ABCG1: variants seen among roughly 807,000 people sequenced by gnomAD.
ABCG1 encodes the protein ATP-binding cassette sub-family G member 1.
Under a neutral mutation model 69.2 loss-of-function variants are expected in ABCG1, and 29 were observed. That is an observed-to-expected ratio of 0.42 (90% CI 0.31 to 0.57). The LOEUF is 0.57. Ranked by LOEUF, ABCG1 falls within the 20% of genes least tolerant of loss-of-function variation. ABCG1 has a pLI of 0.15. For missense variants in ABCG1, 718 were observed against 898.1 expected, an observed-to-expected ratio of 0.80 and a Z score of 2.56; for synonymous variants, 370 against 374.8, an observed-to-expected ratio of 0.99 and a Z score of 0.15.
At chr21:42,269,576 C>G (rs1457554201) in intron 2 of ABCG1, among the ~76,000 whole-genome samples, 1 of 152,188 alleles carries the variant, frequency 6.6e-6, no homozygotes, top group Non-Finnish European at 1.5e-5. Flanking sequence ...GATGACTCTC[C>G]TCACCCTCCC....
intron 2 of ABCG1, among the ~76,000 whole-genome samples, chr21:42,238,206 C>T (rs919581540): frequency 9.9e-5 from 15 of 152,176 alleles, no homozygotes; most frequent in Admixed American, 2.0e-4. Flanking sequence ...AGCAACCCTG[C>T]GGTCAGGTTT....
At chr21:42,270,518 ATTAT>A (rs1268026748) in intron 2 of ABCG1, among the ~76,000 whole-genome samples, 1 of 152,044 alleles carries the variant, frequency 6.6e-6, no homozygotes, top group Non-Finnish European at 1.5e-5. Flanking sequence ...TAATATATTG[ATTAT>A]TTAATCATAT....
chr21:42,241,605 A>C (rs1368130117), intron 2 of ABCG1, among the ~76,000 whole-genome samples: 2 of 52,734 alleles, frequency 3.8e-5, no homozygotes, highest in Admixed American at 1.9e-4. Context: ...ACCCTGTCTC[A>C]AAAAAAAAAA....
chr21:42,277,597 C>A (rs1164518460), intron 5 of ABCG1, among the ~76,000 whole-genome samples: 2 of 152,170 alleles, frequency 1.3e-5, no homozygotes, highest in Non-Finnish European at 2.9e-5. Context: ...CCACGGGAAA[C>A]CCACTGTCCT....
At chr21:42,248,756 A>G (rs956543282) in intron 2 of ABCG1, among the ~76,000 whole-genome samples, 22 of 151,998 alleles carry the variant, frequency 1.4e-4, no homozygotes, top group African/African-American at 5.3e-4. Flanking sequence ...TTAAAAAAAA[A>G]AACACCTGGG....
chr21:42,283,218 G>A (rs1024707297), intron 6 of ABCG1, among the ~76,000 whole-genome samples: 31 of 152,218 alleles, frequency 2.0e-4, no homozygotes, highest in Admixed American at 1.3e-4. Flanking sequence ...TCTGAGGGGG[G>A]GATGGCGGGG....
chr21:42,233,757 C>T (rs2067934928), intron 2 of ABCG1, among the ~76,000 whole-genome samples: 2 of 152,252 alleles, frequency 1.3e-5, no homozygotes, highest in Non-Finnish European at 2.9e-5. Flanking sequence ...GCGGCATCCG[C>T]AGGGTGCAGG....
chr21:42,255,644 C>A (rs1422693036), intron 2 of ABCG1, among the ~76,000 whole-genome samples: 1 of 152,204 alleles, frequency 6.6e-6, no homozygotes, highest in Admixed American at 6.5e-5. Context: ...TCTTCTCTTC[C>A]CCACTTAGGG....
intron 2 of ABCG1, chr21:42,260,056 C>A: frequency 6.4e-7 from 1 of 1,550,564 alleles, no homozygotes; most frequent in Non-Finnish European, 8.7e-7. Context: ...GGGGTGGTCG[C>A]TATCAGTGGC....
At chr21:42,293,250 CT>C (rs796100452) in intron 13 of ABCG1, among the ~76,000 whole-genome samples, 4 of 121,858 alleles carry the variant, frequency 3.3e-5, no homozygotes, top group Middle Eastern at 4.6e-3. Flanking sequence ...ACACACCACA[CT>C]ACACACCATA....
chr21:42,284,293 C>G (rs974610295), intron 6 of ABCG1, among the ~76,000 whole-genome samples: 2 of 151,162 alleles, frequency 1.3e-5, no homozygotes, highest in Admixed American at 6.6e-5. Flanking sequence ...GGACCCCCCC[C>G]CAGTCCTGGA....
chr21:42,277,211 G>A (rs2123754111), intron 5 of ABCG1, among the ~76,000 whole-genome samples: 1 of 152,274 alleles, frequency 6.6e-6, no homozygotes, highest in South Asian at 2.1e-4. Flanking sequence ...AACAGACTTG[G>A]CACTCATGGG....
intron 5 of ABCG1, among the ~76,000 whole-genome samples, chr21:42,281,198 G>A (rs2068801730): frequency 6.6e-6 from 1 of 152,222 alleles, no homozygotes; most frequent in South Asian, 2.1e-4. Flanking sequence ...CCCTTCAGAT[G>A]ACTTCATCTC....
chr21:42,258,972 G>A (rs904290574), intron 2 of ABCG1, among the ~76,000 whole-genome samples: 8 of 152,368 alleles, frequency 5.3e-5, no homozygotes, highest in East Asian at 1.9e-4. Context: ...CTGGAGAACC[G>A]TAGGATTCGG....
chr21:42,242,164 T>A (rs978440609), intron 2 of ABCG1, among the ~76,000 whole-genome samples: 11 of 152,208 alleles, frequency 7.2e-5, no homozygotes, highest in African/African-American at 2.7e-4. Context: ...TACTACTGTA[T>A]TTTGATTTTC....
chr21:42,296,151 C>A lies in ABCG1; in HGVS notation c.1773-13C>A, dbSNP rs2069205145. On this transcript the variant is annotated splice_polypyrimidine_tract_variant and intron_variant, in intron 14 of 14. Coordinates refer to ENST00000398449, the MANE Select transcript of ABCG1 (RefSeq NM_016818.3). The surrounding 1 kb of genome is among the most constrained non-coding windows in gnomAD (Gnocchi z 5.4). ...GGAGAACGTCCTCCCTCATGCCTGG[C>A]CTTTCCTCCTAGGTATGGGTTCGAA... The A allele has an allele frequency of 3.1e-6, 5 of 1,609,070 alleles. No homozygotes were observed. The South Asian group carries it at 4.4e-5, about 14-fold the overall frequency.
chr21:42,264,467 A>C (rs941224984), intron 2 of ABCG1, among the ~76,000 whole-genome samples: 1 of 150,292 alleles, frequency 6.7e-6, no homozygotes, highest in Admixed American at 6.7e-5. Context: ...TCATTCATCT[A>C]TTCATCCATC....
intron 14 of ABCG1, chr21:42,295,272 A>C (rs1293115779): frequency 7.6e-6 from 1 of 132,400 alleles, no homozygotes; most frequent in Non-Finnish European, 1.6e-5. Flanking sequence ...CAGAGGTTGC[A>C]GTGAGCTGAG....
chr21:42,291,541 CG>C lies in ABCG1; in HGVS notation c.1539del (p.Ser514ArgfsTer18). ...VAYCSIVYWM[T>X]SQPSDAVRFV... ...TACTGCAGCATCGTGTACTGGATGA[CG>C]TCGCAGCCGTCCGACGCCGTGCGCT... On this transcript the variant is annotated frameshift_variant, in exon 13 of 15. Coordinates refer to ENST00000398449, the MANE Select transcript of ABCG1 (RefSeq NM_016818.3). LOFTEE classifies it high-confidence loss of function. This position sits in a 1 kb window ranked among gnomAD's most constrained non-coding sequence, Gnocchi z 6.4. 6.2e-7 allele frequency: 1 copy of C among 1,613,676 alleles called. No homozygotes were observed. Among genetic ancestry groups the C allele is most frequent in the Non-Finnish European group, 8.5e-7 (1 of 1,179,860 alleles).
Sources: allele counts gnomAD v4.1 joint callset (sites outside exome capture counted in the v4.1 genomes callset), GRCh38; gene constraint gnomAD v4.1.1; non-coding constraint Gnocchi (gnomAD v3.1); transcripts MANE v1.5; gene names NCBI Gene and HGNC (gene_info 2026-07-23, HGNC 2026-07-21).